Variants in NCOA2 observed in about 807,000 individuals in gnomAD.
The protein encoded by NCOA2 is nuclear receptor coactivator 2, also known as class E basic helix-loop-helix protein 75.
Under a neutral mutation model 145.1 loss-of-function variants are expected in NCOA2, and 21 were observed. That is an observed-to-expected ratio of 0.14 (90% confidence interval 0.10 to 0.21). The LOEUF (loss-of-function observed/expected upper bound fraction) is 0.21. NCOA2 is among the 10% of genes least tolerant of loss of function. The pLI is 1.00. For synonymous variants in NCOA2, 619 were observed against 637.5 expected, an observed-to-expected ratio of 0.97 and a Z score of 0.44; for missense variants, 1,472 against 1,837.6, an observed-to-expected ratio of 0.80 and a Z score of 3.64.
intron 2 of NCOA2, among the ~76,000 whole-genome samples, chr8:70,274,747 A>G (rs1825343841): frequency 6.6e-6 from 1 of 152,216 alleles, no homozygotes; most frequent in South Asian, 2.1e-4. Context: ...CAATTATTCT[A>G]AGACTCCTTT....
chr8:70,348,673 A>T lies in NCOA2; in HGVS notation c.-76-51873T>A, dbSNP rs75344893. Among the ~76,000 whole-genome samples the T allele has an allele frequency of 7.3e-3, 1,115 of 152,226 alleles. 15 individuals carry two copies. Among genetic ancestry groups the T allele is most frequent in the African/African-American group, 0.025 (1,043 of 41,536 alleles). On this transcript the variant is annotated intron_variant, in intron 1 of 22. Coordinates refer to ENST00000452400, the MANE Select transcript of NCOA2 (RefSeq NM_006540.4). ...CAGATGAGCACATGTAAGATAAGAG[A>T]GAAGAGTCTCAGAATGACTGACATT...
At chr8:70,290,989 C>A (rs1182946004) in intron 2 of NCOA2, among the ~76,000 whole-genome samples, 1 of 152,190 alleles carries the variant, frequency 6.6e-6, no homozygotes, top group Non-Finnish European at 1.5e-5. Flanking sequence ...AAAAATCCTA[C>A]TAACTGACCC....
chr8:70,433,287 G>A, the NCOA2 span, among the ~76,000 whole-genome samples: 3 of 151,964 alleles, frequency 2.0e-5, no homozygotes, highest in East Asian at 1.9e-4. Context: ...ACAAGGCACT[G>A]TAGGGGTGAT....
rs1309030472 is a variant in NCOA2, at chr8:70,278,007, CATT to C, written c.-20+18734_-20+18736del. 2.6e-5 allele frequency among the ~76,000 whole-genome samples: 4 copies of C among 152,128 alleles called. No homozygotes were observed. The East Asian group carries it at 5.8e-4, about 22-fold the overall frequency. On this transcript the variant is annotated intron_variant, in intron 2 of 22. Transcript: ENST00000452400. The stretch of plus-strand genomic sequence containing the variant: ...ACCAATACCACAATCAATTTTAGAA[CATT>C]ATTAACACTATAAAAAGAAACCCTA...
intron 2 of NCOA2, among the ~76,000 whole-genome samples, chr8:70,261,760 C>T (rs1012322678): frequency 6.6e-6 from 1 of 151,916 alleles, no homozygotes; most frequent in African/African-American, 2.4e-5. Flanking sequence ...AATGCCACAC[C>T]ACCCGAGCCC....
intron 1 of NCOA2, among the ~76,000 whole-genome samples, chr8:70,385,941 A>G (rs555333972): frequency 6.6e-6 from 1 of 152,350 alleles, no homozygotes; most frequent in East Asian, 1.9e-4. Flanking sequence ...CAAAACACAC[A>G]TTAGTTACTT....
At chr8:70,445,547 T>C in the NCOA2 span, among the ~76,000 whole-genome samples, 1 of 152,272 alleles carries the variant, frequency 6.6e-6, no homozygotes, top group East Asian at 1.9e-4. Context: ...CTTCCTGGAA[T>C]TTTTCTGGGC....
At chr8:70,445,939 A>G in the NCOA2 span, among the ~76,000 whole-genome samples, 6 of 152,344 alleles carry the variant, frequency 3.9e-5, no homozygotes, top group East Asian at 1.2e-3. Flanking sequence ...CAGAAAAAAT[A>G]CATTCTATCA....
chr8:70,136,724 C>A (rs16936754), intron 15 of NCOA2, among the ~76,000 whole-genome samples: 9,111 of 152,198 alleles, frequency 0.06, 351 homozygotes, highest in East Asian at 0.16. Flanking sequence ...TAAATATTAA[C>A]TGTGATGCTT....
At chr8:70,215,497 G>C (rs1203857919) in intron 3 of NCOA2, among the ~76,000 whole-genome samples, 1 of 152,168 alleles carries the variant, frequency 6.6e-6, no homozygotes, top group East Asian at 1.9e-4. Flanking sequence ...CTGGGATGTA[G>C]AGAGTGGAGA....
chr8:70,442,119 G>GAAAGAAAGAAAGAAAGAAAC, the NCOA2 span, among the ~76,000 whole-genome samples: 1 of 89,622 alleles, frequency 1.1e-5, no homozygotes, highest in Non-Finnish European at 2.2e-5. Context: ...AAAGAAAGAA[G>GAAAGAAAGAAAGAAAGAAAC]AAAGAAAGAA....
chr8:70,379,497 G>A (rs958328652), intron 1 of NCOA2, among the ~76,000 whole-genome samples: 1 of 152,176 alleles, frequency 6.6e-6, no homozygotes, highest in Non-Finnish European at 1.5e-5. Flanking sequence ...ACTGCTGTGT[G>A]ATGGAGGCAT....
At chr8:70,273,404 C>T (rs1825219454) in intron 2 of NCOA2, 1 of 760,644 alleles carries the variant, frequency 1.3e-6, no homozygotes, top group South Asian at 1.9e-5. Flanking sequence ...CCAGGAAAAA[C>T]TCGCCAAACT....
At chr8:70,349,588 T>C (rs935458705) in intron 1 of NCOA2, among the ~76,000 whole-genome samples, 1 of 152,072 alleles carries the variant, frequency 6.6e-6, no homozygotes, top group African/African-American at 2.4e-5. Context: ...AACCCCACTA[T>C]ACATTTTGAG....
chr8:70,333,149 T>G (rs577136934), intron 1 of NCOA2, among the ~76,000 whole-genome samples: 5 of 152,324 alleles, frequency 3.3e-5, no homozygotes, highest in African/African-American at 1.2e-4. Flanking sequence ...AGTTGCAGCA[T>G]TTATCAAAGA....
At chr8:70,204,100 C>T (rs764555186) in intron 4 of NCOA2, among the ~76,000 whole-genome samples, 2 of 151,952 alleles carry the variant, frequency 1.3e-5, no homozygotes, top group Admixed American at 6.6e-5. Flanking sequence ...CTCTGCTTCC[C>T]GGGTTCAAGC....
At chr8:70,255,907 C>A (rs1447201063) in intron 2 of NCOA2, among the ~76,000 whole-genome samples, 13 of 152,234 alleles carry the variant, frequency 8.5e-5, no homozygotes, top group Non-Finnish European at 1.5e-5. Context: ...GCTTTTCCAA[C>A]AGCAGCTTGC....
intron 1 of NCOA2, among the ~76,000 whole-genome samples, chr8:70,366,849 C>G (rs1367983652): frequency 6.6e-6 from 1 of 152,052 alleles, no homozygotes; most frequent in Non-Finnish European, 1.5e-5. Context: ...CTCCAGTAGC[C>G]ACAATTCACA....
chr8:70,349,761 T>C (rs1809004062), intron 1 of NCOA2, among the ~76,000 whole-genome samples: 1 of 152,194 alleles, frequency 6.6e-6, no homozygotes, highest in Admixed American at 6.5e-5. Flanking sequence ...TTCTATTATG[T>C]ATGTATCATC....
Sources: gnomAD v4.1 joint callset for allele counts (sites outside exome capture counted in the v4.1 genomes callset) on GRCh38, gnomAD v4.1.1 for gene constraint, MANE v1.5 for transcripts, NCBI Gene and HGNC (gene_info 2026-07-23, HGNC 2026-07-21) for gene names.